The following PCDH11X variants were observed in gnomAD, a reference collection of about 807,000 sequenced individuals.
PCDH11X encodes protocadherin 11 X-linked, also known as protocadherin-11 X-linked.
PCDH11X carries 18 observed loss-of-function variants against 53.3 expected under a neutral mutation model. The ratio of observed to expected loss-of-function variants is 0.34; its 90% CI spans 0.23 to 0.50. The LOEUF is 0.50. Ranked by LOEUF, PCDH11X falls within the 20% of genes least tolerant of loss-of-function variation. The pLI is 0.98. For synonymous variants in PCDH11X, 279 were observed against 393.3 expected, an observed-to-expected ratio of 0.71 and a Z score of 3.44; for missense variants, 570 against 1,032.4, an observed-to-expected ratio of 0.55 and a Z score of 6.14.
At chrX:92,446,015 T>G (rs1282944499) in intron 9 of PCDH11X, among the ~76,000 whole-genome samples, 1 of 110,741 alleles carries the variant, frequency 9.0e-6, no homozygotes, top group Non-Finnish European at 1.9e-5. Flanking sequence ...ACTCCTTAAT[T>G]TAACCTCATA....
rs1000847049 is a variant in PCDH11X, at chrX:92,548,974, T to C, written c.3368-69290T>C. Among the ~76,000 whole-genome samples, 9 of 106,640 alleles carry C rather than the reference T, an allele frequency of 8.4e-5. No homozygotes were observed. The Admixed American group carries it at 9.2e-4, about 11-fold the overall frequency. 92.6% of individuals were successfully genotyped at this position (106,640 alleles called of 115,157 possible). On this transcript the variant is annotated intron_variant, in intron 10 of 10. Coordinates refer to ENST00000682573, the MANE Select transcript of PCDH11X (RefSeq NM_032968.5). ...AAAAAAACAGTGCAAGTGTCATTTA[T>C]TGAAATCAGGCTTAAAGTGTACCAT... is the stretch of plus-strand genomic sequence containing the variant.
chrX:92,062,453 T>C (rs1386515085), intron 6 of PCDH11X, among the ~76,000 whole-genome samples: 1 of 111,884 alleles, frequency 8.9e-6, no homozygotes. Flanking sequence ...TGATGTTGGC[T>C]GTGGGAATGT....
chrX:92,519,579 G>A (rs1337623208), intron 10 of PCDH11X, among the ~76,000 whole-genome samples: 1 of 110,123 alleles, frequency 9.1e-6, no homozygotes, highest in Non-Finnish European at 1.9e-5. Context: ...TTATTATAGG[G>A]ATTAGAAAAC....
chrX:92,399,299 T>C (rs1304351792), intron 9 of PCDH11X, among the ~76,000 whole-genome samples: 1 of 109,694 alleles, frequency 9.1e-6, no homozygotes, highest in African/African-American at 3.3e-5. Flanking sequence ...AACTCAGCAG[T>C]TGGGTGTAGG....
At chrX:92,535,972 A>G (rs995145823) in intron 10 of PCDH11X, among the ~76,000 whole-genome samples, 3 of 107,021 alleles carry the variant, frequency 2.8e-5, no homozygotes, top group African/African-American at 1.0e-4. Context: ...ATTAAAAAGT[A>G]TTTTGTTTTA....
chrX:91,870,979 C>T (rs1287603432), intron 5 of PCDH11X, among the ~76,000 whole-genome samples: 3 of 110,682 alleles, frequency 2.7e-5, no homozygotes, highest in Non-Finnish European at 5.7e-5. Flanking sequence ...TATTGTAATC[C>T]GTTTTTTATT....
intron 6 of PCDH11X, among the ~76,000 whole-genome samples, chrX:91,955,748 T>G (rs1241542210): frequency 8.9e-6 from 1 of 111,910 alleles, no homozygotes; most frequent in East Asian, 2.8e-4. Flanking sequence ...TGAATTTGGG[T>G]GGAGATTTCT....
intron 6 of PCDH11X, among the ~76,000 whole-genome samples, chrX:92,138,664 A>G (rs1054830818): frequency 3.6e-5 from 4 of 110,989 alleles, no homozygotes; most frequent in African/African-American, 1.3e-4. Context: ...TGACTTAAAA[A>G]GTGTCCAATG....
intron 6 of PCDH11X, among the ~76,000 whole-genome samples, chrX:91,981,267 G>T (rs149134637): frequency 0.019 from 2,029 of 108,910 alleles, 27 homozygotes; most frequent in Non-Finnish European, 0.031. Context: ...TTTGAATGAA[G>T]AATTGAATAA....
At chrX:91,907,370 AACACACACACACAC>A in intron 6 of PCDH11X, among the ~76,000 whole-genome samples, 1 of 36,147 alleles carries the variant, frequency 2.8e-5, no homozygotes, top group East Asian at 1.5e-3. Flanking sequence ...CACCACCCTC[AACACACACACACAC>A]ACACACACAC....
chrX:91,787,291 T>C lies in PCDH11X; in HGVS notation c.-379+7607T>C, dbSNP rs1467008304. ...AATGATTTTTAGGTAGTGTTTTTTT[T>C]CCTGACACGACATTTTGGAAGCAAC... On this transcript the variant is annotated intron_variant, in intron 1 of 10. Coordinates refer to ENST00000682573, the MANE Select transcript of PCDH11X (RefSeq NM_032968.5). Among the ~76,000 whole-genome samples, 7 of 110,860 alleles carry C rather than the reference T, an allele frequency of 6.3e-5. No homozygotes were observed. The South Asian group carries it at 1.5e-3, about 24-fold the overall frequency.
intron 9 of PCDH11X, among the ~76,000 whole-genome samples, chrX:92,397,944 C>T (rs751750654): frequency 9.0e-6 from 1 of 111,345 alleles, no homozygotes; most frequent in South Asian, 3.8e-4. Flanking sequence ...TGAAAAATTT[C>T]ACACAAATAT....
chrX:92,179,880 T>C (rs1177787670), intron 6 of PCDH11X, among the ~76,000 whole-genome samples: 1 of 111,918 alleles, frequency 8.9e-6, no homozygotes, highest in Non-Finnish European at 1.9e-5. Flanking sequence ...CCATATTCAG[T>C]GATCAGTTCT....
At chrX:92,457,923 T>TA (rs1489274796) in intron 9 of PCDH11X, among the ~76,000 whole-genome samples, 1 of 108,562 alleles carries the variant, frequency 9.2e-6, no homozygotes, top group Admixed American at 9.9e-5. Flanking sequence ...TTGAAATAGA[T>TA]ATTTTTGAAA....
At chrX:92,294,661 CA>C (rs1417994300) in intron 8 of PCDH11X, among the ~76,000 whole-genome samples, 1 of 110,670 alleles carries the variant, frequency 9.0e-6, no homozygotes, top group Non-Finnish European at 1.9e-5. Flanking sequence ...CAAGAGGACC[CA>C]AAATGACTAC....
chrX:92,008,831 A>G (rs1243510430), intron 6 of PCDH11X, among the ~76,000 whole-genome samples: 2 of 110,940 alleles, frequency 1.8e-5, no homozygotes, highest in African/African-American at 6.5e-5. Flanking sequence ...GACACAAACT[A>G]TTGTACTGAT....
At chrX:92,460,676 G>A (rs2073020794) in intron 9 of PCDH11X, 4 of 947,138 alleles carry the variant, frequency 4.2e-6, no homozygotes, top group Admixed American at 5.1e-5. Context: ...GCAGCTCATC[G>A]GGATCCTGCT....
chrX:92,182,174 T>A (rs1456578690), intron 6 of PCDH11X, among the ~76,000 whole-genome samples: 11 of 111,950 alleles, frequency 9.8e-5, no homozygotes, highest in Non-Finnish European at 1.1e-4. Context: ...AGACAGGGAG[T>A]CAAAGGAGAT....
In PCDH11X at chrX:92,578,224, A is replaced by G. The variant is rs1244394098; in HGVS notation, c.3368-40040A>G. 3.0e-5 allele frequency among the ~76,000 whole-genome samples: 3 copies of G among 99,460 alleles called. No homozygotes were observed. The East Asian group carries it at 9.2e-4, about 30-fold the overall frequency. The allele number at this position is 99,460 out of a possible 115,157, so 86.4% of individuals were successfully genotyped here. On this transcript the variant is annotated intron_variant, in intron 10 of 10. Coordinates refer to ENST00000682573, the MANE Select transcript of PCDH11X (RefSeq NM_032968.5). ...GAGGTCTATTGGGGGATGGGGGGCT[A>G]GGGGAGGGATAGCATTAGGAGAAAT... is the stretch of plus-strand genomic sequence containing the variant.
Sources: allele counts gnomAD v4.1 joint callset (sites outside exome capture counted in the v4.1 genomes callset), GRCh38; gene constraint gnomAD v4.1.1; transcripts MANE v1.5; gene names NCBI Gene and HGNC (gene_info 2026-07-23, HGNC 2026-07-21).